TPTE2: variants seen among roughly 807,000 people sequenced by gnomAD.
The protein encoded by TPTE2 is phosphatidylinositol 3,4,5-trisphosphate 3-phosphatase TPTE2.
Under a neutral mutation model 78.6 loss-of-function variants are expected in TPTE2, and 53 were observed. That is an observed-to-expected ratio of 0.67 (90% CI 0.54 to 0.85). The LOEUF is 0.85. TPTE2 is among the 40% of genes least tolerant of loss of function. The pLI is 0.00. For missense variants in TPTE2, 461 were observed against 623.0 expected, an observed-to-expected ratio of 0.74 and a Z score of 2.77; for synonymous variants, 175 against 206.2, an observed-to-expected ratio of 0.85 and a Z score of 1.30.
At chr13:19,434,134 G>A (rs1876886318) in intron 15 of TPTE2, among the ~76,000 whole-genome samples, 1 of 152,196 alleles carries the variant, frequency 6.6e-6, no homozygotes, top group Non-Finnish European at 1.5e-5. Context: ...AGAAAAGGGT[G>A]GAAAGATGGG....
chr13:19,525,863 A>G (rs767327066), intron 1 of TPTE2, among the ~76,000 whole-genome samples: 2 of 150,412 alleles, frequency 1.3e-5, no homozygotes, highest in African/African-American at 2.4e-5. Flanking sequence ...CAACCTCACT[A>G]AAAAAAAAGG....
chr13:19,519,990 A>T (rs367772101), intron 1 of TPTE2, among the ~76,000 whole-genome samples: 15 of 113,290 alleles, frequency 1.3e-4, no homozygotes, highest in Non-Finnish European at 2.9e-4. Flanking sequence ...TTTTGGTCTT[A>T]TTTTTTAATG....
chr13:19,474,615 G>A (rs1245773273), intron 5 of TPTE2, among the ~76,000 whole-genome samples: 2 of 152,290 alleles, frequency 1.3e-5, no homozygotes, highest in East Asian at 1.9e-4. Flanking sequence ...GGTGCTTCTA[G>A]CATAGTGATG....
chr13:19,449,237 G>A (rs1404349956), intron 13 of TPTE2, among the ~76,000 whole-genome samples: 9 of 152,150 alleles, frequency 5.9e-5, no homozygotes, highest in Non-Finnish European at 8.8e-5. Context: ...ACAATGGTGC[G>A]ATCTCAGCTC....
chr13:19,479,176 G>A (rs1880165957), intron 4 of TPTE2, among the ~76,000 whole-genome samples: 1 of 151,860 alleles, frequency 6.6e-6, no homozygotes, highest in Admixed American at 6.6e-5. Flanking sequence ...AAATGTAGCA[G>A]GTGAAAATGT....
chr13:19,537,107 GGT>G (rs1379329801), upstream of TPTE2, among the ~76,000 whole-genome samples: 1 of 151,488 alleles, frequency 6.6e-6, no homozygotes, highest in Non-Finnish European at 1.5e-5. Flanking sequence ...ACCTCAATAT[GGT>G]TTTAATTTGC....
chr13:19,494,625 T>A (rs1881202410), intron 1 of TPTE2, among the ~76,000 whole-genome samples: 1 of 152,122 alleles, frequency 6.6e-6, no homozygotes, highest in Non-Finnish European at 1.5e-5. Flanking sequence ...GCCAGCCTGG[T>A]CTTGAACACC....
chr13:19,497,604 G>C (rs1335458063), intron 1 of TPTE2, among the ~76,000 whole-genome samples: 6 of 102,270 alleles, frequency 5.9e-5, no homozygotes, highest in African/African-American at 1.4e-4. Context: ...CTGTTAGAAA[G>C]AAAACTAACA....
intron 6 of TPTE2, among the ~76,000 whole-genome samples, chr13:19,472,171 C>T (rs1301550457): frequency 2.6e-5 from 4 of 152,162 alleles, no homozygotes; most frequent in South Asian, 2.1e-4. Context: ...TACATCTGCT[C>T]GGTGTTTTAT....
intron 13 of TPTE2, among the ~76,000 whole-genome samples, chr13:19,440,045 C>T (rs569706577): frequency 8.5e-5 from 13 of 152,230 alleles, no homozygotes; most frequent in South Asian, 2.1e-4. Context: ...TGGAATAATT[C>T]GAGAAAATTT....
At chr13:19,543,545 G>C in the TPTE2 span, among the ~76,000 whole-genome samples, 1 of 142,106 alleles carries the variant, frequency 7.0e-6, no homozygotes, top group African/African-American at 2.6e-5. Flanking sequence ...TAGTAGAGAC[G>C]GGGTTTCACC....
chr13:19,438,867 T>C (rs1363311817), intron 13 of TPTE2, among the ~76,000 whole-genome samples: 2 of 152,118 alleles, frequency 1.3e-5, no homozygotes, highest in African/African-American at 2.4e-5. Flanking sequence ...ATTCGACTGA[T>C]AAAAGTGAGT....
chr13:19,483,911 A>G (rs1031281039), intron 3 of TPTE2, among the ~76,000 whole-genome samples: 2 of 151,100 alleles, frequency 1.3e-5, no homozygotes, highest in Non-Finnish European at 2.9e-5. Flanking sequence ...TATATCTTCT[A>G]ATGCTATCCC....
At chr13:19,555,791 A>G in the TPTE2 span, among the ~76,000 whole-genome samples, 1 of 146,458 alleles carries the variant, frequency 6.8e-6, no homozygotes, top group East Asian at 2.1e-4. Flanking sequence ...CTGCCCTGAC[A>G]ACAACAAATT....
At chr13:19,521,351 C>CT (rs1442804458) in intron 1 of TPTE2, among the ~76,000 whole-genome samples, 3 of 18,832 alleles carry the variant, frequency 1.6e-4, no homozygotes, top group Non-Finnish European at 7.5e-4. Context: ...GCCTTTAAGT[C>CT]TGTTTTTTTT....
Position 19,472,044 on chromosome 13 carries a change from T to C in TPTE2, c.392+1870A>G, listed in dbSNP as rs1364102615. 3.9e-5 allele frequency among the ~76,000 whole-genome samples: 6 copies of C among 152,362 alleles called. No homozygotes were observed. The South Asian group carries it at 8.3e-4, about 21-fold the overall frequency. On this transcript the variant is annotated intron_variant, in intron 6 of 19. Coordinates refer to ENST00000400230, the Ensembl canonical transcript of TPTE2. ...ACTAAAGAGTCTGCTGCCAGATATA[T>C]TGTAGCTCCATCGTATATTATTGGT...
chr13:19,439,322 G>T (rs1877334828), intron 13 of TPTE2, among the ~76,000 whole-genome samples: 1 of 151,934 alleles, frequency 6.6e-6, no homozygotes, highest in African/African-American at 2.4e-5. Context: ...TATAAAACCT[G>T]CTGGCAGAAG....
intron 1 of TPTE2, among the ~76,000 whole-genome samples, chr13:19,496,710 T>A (rs1429818492): frequency 6.6e-6 from 1 of 152,136 alleles, no homozygotes; most frequent in East Asian, 1.9e-4. Flanking sequence ...GCAAATAGGA[T>A]TTTCTCCTCC....
chr13:19,514,348 C>A (rs1288672201), intron 1 of TPTE2, among the ~76,000 whole-genome samples: 2 of 152,250 alleles, frequency 1.3e-5, no homozygotes, highest in African/African-American at 4.8e-5. Context: ...CAGTATTTTT[C>A]ACCACTTAGA....
Sources: allele counts gnomAD v4.1 joint callset (sites outside exome capture counted in the v4.1 genomes callset), GRCh38; gene constraint gnomAD v4.1.1; transcripts MANE v1.5; gene names NCBI Gene and HGNC (gene_info 2026-07-23, HGNC 2026-07-21).